The following RIMS1 variants were observed in gnomAD, a reference collection of about 807,000 sequenced individuals.
The protein encoded by RIMS1 is regulating synaptic membrane exocytosis 1, also known as regulating synaptic membrane exocytosis protein 1.
Under a neutral mutation model 214.1 loss-of-function variants are expected in RIMS1, and 83 were observed. That is an observed-to-expected ratio of 0.39 (90% CI 0.32 to 0.47). The LOEUF (loss-of-function observed/expected upper bound fraction) is 0.47. Ranked by LOEUF, RIMS1 falls within the 20% of genes least tolerant of loss-of-function variation. The pLI, the probability that RIMS1 is intolerant of heterozygous loss-of-function variation, is 0.99. For missense variants in RIMS1, 2,050 were observed against 2,161.8 expected, an observed-to-expected ratio of 0.95 and a Z score of 1.03; for synonymous variants, 793 against 786.8, an observed-to-expected ratio of 1.01 and a Z score of -0.13.
chr6:72,243,449 A>G (rs2067913623), intron 10 of RIMS1, among the ~76,000 whole-genome samples: 1 of 151,814 alleles, frequency 6.6e-6, no homozygotes, highest in Non-Finnish European at 1.5e-5. Context: ...AGACATTTGC[A>G]AAAGTGTTGT....
chr6:72,016,442 T>C (rs1812785897), intron 2 of RIMS1, among the ~76,000 whole-genome samples: 1 of 152,210 alleles, frequency 6.6e-6, no homozygotes, highest in African/African-American at 2.4e-5. Flanking sequence ...GATACTTTGT[T>C]TCTTGGGGCA....
At chr6:72,245,964 TACTAAAGATGTCTCC>T (rs141547511) in intron 11 of RIMS1, 103 bp downstream of exon 11, 11,030 of 793,192 alleles carry the variant, frequency 0.014, 99 homozygotes, top group Non-Finnish European at 0.018. Context: ...GGGGTTACTA[TACTAAAGATGTCTCC>T]ATTGGTACTA....
chr6:71,969,401 G>T (rs1442120901), intron 2 of RIMS1, among the ~76,000 whole-genome samples: 1 of 152,164 alleles, frequency 6.6e-6, no homozygotes, highest in East Asian at 1.9e-4. Flanking sequence ...GAAGTATGGA[G>T]GCAAGATACA....
chr6:72,343,304 C>A (rs964512309), intron 29 of RIMS1, among the ~76,000 whole-genome samples: 1 of 151,524 alleles, frequency 6.6e-6, no homozygotes, highest in Non-Finnish European at 1.5e-5. Context: ...GATTCTTAAG[C>A]CCATTTAATG....
At position 72,263,396 on chromosome 6, in the gene RIMS1, T is replaced by C. The variant is rs1316456639; in HGVS notation, c.3117-1579T>C. 9.2e-6 allele frequency: 9 copies of C among 981,158 alleles called. No homozygotes were observed. In the Admixed American group the frequency reaches 3.1e-4, roughly 34 times the overall value. The allele number at this position is 981,158 out of a possible 1,614,324, so 60.8% of individuals were successfully genotyped here. Reference sequence around the variant, plus strand: ...ACACACCCCTGTTAAGTGGAAGTTATTTCCCACATTTTGTGGATGTAGAAA... The same window carrying C: ...ACACACCCCTGTTAAGTGGAAGTTACTTCCCACATTTTGTGGATGTAGAAA... On this transcript the variant is annotated intron_variant, in intron 19 of 33. Coordinates refer to ENST00000521978, the MANE Select transcript of RIMS1 (RefSeq NM_014989.7).
intron 29 of RIMS1, among the ~76,000 whole-genome samples, chr6:72,338,877 G>C (rs566285172): frequency 2.0e-3 from 299 of 151,422 alleles, no homozygotes; most frequent in Non-Finnish European, 3.1e-3. Context: ...GAGAGAGAGA[G>C]AGAGAGAGAG....
intron 1 of RIMS1, among the ~76,000 whole-genome samples, chr6:71,923,701 G>GGATT (rs1427199966): frequency 1.3e-5 from 2 of 152,060 alleles, no homozygotes; most frequent in East Asian, 3.9e-4. Flanking sequence ...CGAGTAGCTG[G>GGATT]GATTACTCAT....
chr6:71,930,623 T>C (rs1782752235), intron 1 of RIMS1, among the ~76,000 whole-genome samples: 1 of 152,188 alleles, frequency 6.6e-6, no homozygotes, highest in African/African-American at 2.4e-5. Flanking sequence ...CTGTATAATA[T>C]TTTACTGGTT....
intron 8 of RIMS1, among the ~76,000 whole-genome samples, chr6:72,236,114 A>G (rs1430567682): frequency 1.3e-5 from 2 of 152,174 alleles, no homozygotes; most frequent in Admixed American, 1.3e-4. Flanking sequence ...TACTCCTGCT[A>G]TGAAATAATT....
At chr6:72,100,590 T>C (rs1199608901) in intron 4 of RIMS1, among the ~76,000 whole-genome samples, 1 of 116,736 alleles carries the variant, frequency 8.6e-6, no homozygotes, top group Non-Finnish European at 2.0e-5. Context: ...GAAGATAGGC[T>C]CCAAGTAGAA....
At chr6:72,024,368 A>G (rs1051378199) in intron 2 of RIMS1, among the ~76,000 whole-genome samples, 10 of 152,166 alleles carry the variant, frequency 6.6e-5, no homozygotes, top group Admixed American at 6.5e-4. Flanking sequence ...ATCAAAATTT[A>G]CACATCATCT....
chr6:72,203,528 G>T (rs1371113467), intron 6 of RIMS1, among the ~76,000 whole-genome samples: 1 of 152,180 alleles, frequency 6.6e-6, no homozygotes, highest in Non-Finnish European at 1.5e-5. Context: ...GAGGTTACAG[G>T]TTGAGGGAAC....
chr6:72,007,441 C>A (rs1448212422), intron 2 of RIMS1, among the ~76,000 whole-genome samples: 2 of 152,214 alleles, frequency 1.3e-5, no homozygotes, highest in Non-Finnish European at 1.5e-5. Context: ...AGGAATGCAG[C>A]TCCTCACCAA....
chr6:72,171,320 A>G (rs2046993713), intron 4 of RIMS1, among the ~76,000 whole-genome samples: 1 of 149,368 alleles, frequency 6.7e-6, no homozygotes, highest in African/African-American at 2.5e-5. Context: ...ACATATACAT[A>G]CATATATAAT....
chr6:72,367,404 T>C (rs2098072782), intron 29 of RIMS1, among the ~76,000 whole-genome samples: 1 of 152,218 alleles, frequency 6.6e-6, no homozygotes, highest in African/African-American at 2.4e-5. Context: ...TCACATTTTC[T>C]ATTTAGGCTT....
intron 29 of RIMS1, among the ~76,000 whole-genome samples, chr6:72,340,556 T>G (rs183547623): frequency 0.012 from 1,756 of 152,100 alleles, 17 homozygotes; most frequent in Non-Finnish European, 0.02. Context: ...TTTCCCCATT[T>G]CTTGTTTTTG....
intron 23 of RIMS1, among the ~76,000 whole-genome samples, chr6:72,279,229 T>C (rs1004815946): frequency 1.3e-5 from 2 of 152,040 alleles, no homozygotes; most frequent in African/African-American, 4.8e-5. Context: ...CAATTACCTC[T>C]GTTTTTCATC....
chr6:72,297,187 G>T lies in RIMS1; in HGVS notation c.3850+5141G>T, dbSNP rs149123649. ...AAATTAAAAAATTCAGTGAGATCAAGATGTTTTGGCCATAGATTTTGCATA... is the reference window on the plus strand; with the variant it reads ...AAATTAAAAAATTCAGTGAGATCAATATGTTTTGGCCATAGATTTTGCATA... On this transcript the variant is annotated intron_variant, in intron 26 of 33. Coordinates refer to ENST00000521978, the MANE Select transcript of RIMS1 (RefSeq NM_014989.7). 2.4e-4 allele frequency among the ~76,000 whole-genome samples: 36 copies of T among 151,998 alleles called. No individual in the cohort carries two copies. In the East Asian group the frequency reaches 6.0e-3, roughly 25 times the overall value.
chr6:72,164,150 A>T (rs1241215348), intron 4 of RIMS1, among the ~76,000 whole-genome samples: 1 of 152,166 alleles, frequency 6.6e-6, no homozygotes, highest in Admixed American at 6.5e-5. Context: ...CTGCTGTGCT[A>T]GCAATGAGCG....
Sources: gnomAD v4.1 joint callset for allele counts (sites outside exome capture counted in the v4.1 genomes callset) on GRCh38, gnomAD v4.1.1 for gene constraint, MANE v1.5 for transcripts, NCBI Gene and HGNC (gene_info 2026-07-23, HGNC 2026-07-21) for gene names.